SLC26A7: variants seen among roughly 807,000 people sequenced by gnomAD.
The protein encoded by SLC26A7 is solute carrier family 26 member 7.
A neutral mutation model predicts 82.5 loss-of-function variants in SLC26A7; 59 were observed. That is an observed-to-expected ratio of 0.72 (90% CI 0.58 to 0.89). The LOEUF is 0.89. Among genes scored for constraint, SLC26A7 ranks in the 40% least tolerant of loss-of-function variants. The pLI is 0.00. For synonymous variants in SLC26A7, 271 were observed against 274.3 expected (o/e 0.99, Z 0.12); for missense variants, 820 against 793.0 (o/e 1.03, Z -0.41).
chr8:91,338,215 T>C lies in SLC26A7; in HGVS notation c.861T>C (p.Val287=), dbSNP rs769946002. 7.5e-6 allele frequency: 12 copies of C among 1,606,704 alleles called. No individual in the cohort carries two copies. In the South Asian group the frequency reaches 1.3e-4, roughly 18 times the overall value. ...NMENTYGLEV[V]GHIPQGIPSP... ...AAAACACATATGGATTAGAAGTAGTTGGTCATATTCCACAAGGGTAATGTA... is the reference window on the plus strand; with the variant it reads ...AAAACACATATGGATTAGAAGTAGTCGGTCATATTCCACAAGGGTAATGTA... Residue 287 remains valine, a synonymous_variant, in exon 7 of 19, where the codon GTT becomes GTC. Transcript: ENST00000276609.
At chr8:91,320,628 ATC>A (rs1407050617) in intron 5 of SLC26A7, among the ~76,000 whole-genome samples, 2 of 152,150 alleles carry the variant, frequency 1.3e-5, no homozygotes, top group African/African-American at 4.8e-5. Flanking sequence ...GGCTGAGAGA[ATC>A]TCATGATGGC....
At position 91,211,431 on chromosome 8, in the gene SLC26A7, TA is replaced by T. The variant is rs374291470; in HGVS notation, c.-150+1897del. ...ATATATATTACTAGATGTTAGCAGT[TA>T]AAAAAAATTTAAATGCCGTTCATAA... On this transcript the variant is annotated intron_variant, in intron 1 of 5. Coordinates refer to the SLC26A7 transcript ENST00000522862. Among the ~76,000 whole-genome samples the T allele has an allele frequency of 4.6e-3, 702 of 151,166 alleles. 5 individuals are homozygous for T. The highest frequency in any genetic ancestry group is 0.016 in the African/African-American group (672 of 41,392).
chr8:91,394,377 T>A (rs1808506927), intron 18 of SLC26A7: 16 of 1,530,912 alleles, frequency 1.0e-5, no homozygotes, highest in Admixed American at 2.1e-5. Context: ...TTCTCAAATA[T>A]AAAAACTCTA....
intron 6 of SLC26A7, among the ~76,000 whole-genome samples, chr8:91,337,200 G>C (rs1435668322): frequency 6.6e-6 from 1 of 151,946 alleles, no homozygotes; most frequent in Non-Finnish European, 1.5e-5. Context: ...TCACAGAGAA[G>C]AGAACAACAG....
At chr8:91,289,019 AAGTAG>A (rs1554604682) in intron 2 of SLC26A7, 112 bp from the exon 3 acceptor site, 1 of 665,676 alleles carries the variant, frequency 1.5e-6, no homozygotes, top group Admixed American at 2.6e-5. Context: ...CTTGTTGAGC[AAGTAG>A]AATAAAGTAT....
intron 4 of SLC26A7, among the ~76,000 whole-genome samples, chr8:91,305,761 A>G (rs2130790625): frequency 6.6e-6 from 1 of 152,330 alleles, no homozygotes; most frequent in Admixed American, 6.5e-5. Context: ...CATTTCCTGA[A>G]CATATGATTA....
At chr8:91,326,844 C>T (rs1055097197) in intron 5 of SLC26A7, among the ~76,000 whole-genome samples, 1 of 152,168 alleles carries the variant, frequency 6.6e-6, no homozygotes, top group African/African-American at 2.4e-5. Flanking sequence ...ACCATCCTTG[C>T]CTTTTCAGCT....
chr8:91,353,316 A>G (rs1474065998), intron 11 of SLC26A7, among the ~76,000 whole-genome samples: 2 of 152,154 alleles, frequency 1.3e-5, no homozygotes, highest in Non-Finnish European at 2.9e-5. Flanking sequence ...TACCAGGGAA[A>G]TAGACACTAA....
At chr8:91,213,888 A>G (rs886629411) in intron 1 of SLC26A7, among the ~76,000 whole-genome samples, 2 of 152,160 alleles carry the variant, frequency 1.3e-5, no homozygotes, top group African/African-American at 4.8e-5. Context: ...AGGAGGAGAC[A>G]TTATTAAAAA....
chr8:91,300,098 G>A (rs1170127980), intron 4 of SLC26A7, among the ~76,000 whole-genome samples: 1 of 152,110 alleles, frequency 6.6e-6, no homozygotes, highest in East Asian at 1.9e-4. Context: ...TTATGATGTT[G>A]ATTTGTCCTG....
At chr8:91,394,679 T>C (rs1808518172) in intron 18 of SLC26A7, 1 of 1,097,838 alleles carries the variant, frequency 9.1e-7, no homozygotes, top group Non-Finnish European at 1.1e-6. Flanking sequence ...ATTTACAAAA[T>C]AATAATAACA....
At chr8:91,214,399 G>A (rs1418805769) in intron 1 of SLC26A7, among the ~76,000 whole-genome samples, 3 of 152,268 alleles carry the variant, frequency 2.0e-5, no homozygotes, top group South Asian at 2.1e-4. Context: ...TCTTCAGTAT[G>A]TTATTTGAAA....
chr8:91,238,669 T>C (rs1810425002), intron 2 of SLC26A7, among the ~76,000 whole-genome samples: 1 of 151,856 alleles, frequency 6.6e-6, no homozygotes, highest in East Asian at 1.9e-4. Context: ...TCTTTGGTCC[T>C]TGGTTTTAAA....
chr8:91,337,449 A>G (rs1813274140), intron 6 of SLC26A7, among the ~76,000 whole-genome samples: 1 of 152,164 alleles, frequency 6.6e-6, no homozygotes, highest in Admixed American at 6.6e-5. Context: ...TCGATGGAAA[A>G]CAGTAGAATG....
intron 4 of SLC26A7, among the ~76,000 whole-genome samples, chr8:91,312,913 T>C (rs1364336643): frequency 6.6e-6 from 1 of 152,172 alleles, no homozygotes; most frequent in African/African-American, 2.4e-5. Flanking sequence ...ATATATGATT[T>C]GCAAATGTTT....
rs144397363 is a variant in SLC26A7, at chr8:91,283,773, C to T, written c.194-5363C>T. On this transcript the variant is annotated intron_variant, in intron 2 of 18. Transcript: ENST00000276609. ...CAGGTATTTAGAAGAAATACTTAAG[C>T]TTTTGTCATTGGCTTGCTTTTATTC... 4.7e-3 allele frequency among the ~76,000 whole-genome samples: 723 copies of T among 152,272 alleles called. 6 individuals are homozygous for T. The highest frequency in any genetic ancestry group is 0.017 in the African/African-American group (696 of 41,562).
chr8:91,306,007 C>T (rs1812294334), intron 4 of SLC26A7, among the ~76,000 whole-genome samples: 1 of 152,172 alleles, frequency 6.6e-6, no homozygotes, highest in Admixed American at 6.5e-5. Context: ...AGTGATGTCA[C>T]TCACTCCTGT....
Position 91,257,936 on chromosome 8 carries a change from G to A in SLC26A7, c.193+8092G>A, listed in dbSNP as rs568743970. ...GCCTCGGGAAACTTACAATCATGGCGGAAGGTGCCTCTTCACAGGGTGGCA... is the reference window on the plus strand; with the variant it reads ...GCCTCGGGAAACTTACAATCATGGCAGAAGGTGCCTCTTCACAGGGTGGCA... On this transcript the variant is annotated intron_variant, in intron 2 of 18. Transcript: ENST00000276609. Among the ~76,000 whole-genome samples, 6 of 152,192 alleles carry A rather than the reference G, an allele frequency of 3.9e-5. No homozygotes were observed. The East Asian group carries it at 5.8e-4, about 15-fold the overall frequency.
intron 18 of SLC26A7, chr8:91,394,831 G>A (rs1808524911): frequency 1.2e-6 from 1 of 833,292 alleles, no homozygotes; most frequent in Non-Finnish European, 1.7e-6. Flanking sequence ...TAGAAACAAG[G>A]AAACTGACCA....
Sources: allele counts gnomAD v4.1 joint callset (sites outside exome capture counted in the v4.1 genomes callset), GRCh38; gene constraint gnomAD v4.1.1; transcripts MANE v1.5; gene names NCBI Gene and HGNC (gene_info 2026-07-23, HGNC 2026-07-21).